DNER: variants seen among roughly 807,000 people sequenced by gnomAD.
DNER encodes the protein delta and Notch-like epidermal growth factor-related receptor.
DNER carries 33 observed loss-of-function variants against 78.2 expected under a neutral mutation model. That is an observed-to-expected ratio of 0.42 (90% CI 0.32 to 0.56). DNER has a LOEUF of 0.56. Ranked by LOEUF, DNER falls within the 20% of genes least tolerant of loss-of-function variation. DNER has a pLI of 0.11. For missense variants in DNER, 918 were observed against 975.3 expected (o/e 0.94, Z 0.78); for synonymous variants, 417 against 384.8 (o/e 1.08, Z -0.98).
At chr2:229,634,243 C>A (rs549980949) in intron 1 of DNER, among the ~76,000 whole-genome samples, 2 of 152,092 alleles carry the variant, frequency 1.3e-5, no homozygotes, top group African/African-American at 4.8e-5. Flanking sequence ...GAGTTATGGA[C>A]TTTTTCCTTC....
chr2:229,630,479 A>AAAT (rs200043673), intron 1 of DNER, among the ~76,000 whole-genome samples: 21,429 of 138,874 alleles, frequency 0.15, 1,764 homozygotes, highest in Admixed American at 0.22. Context: ...CTCCATCTCA[A>AAAT]AATAATAATA....
At position 229,418,190 on chromosome 2, in the gene DNER, G is replaced by A. The variant is rs778089255; in HGVS notation, c.1527C>T (p.Cys509=). Residue 509 remains cysteine, a synonymous_variant, in exon 9 of 13, where the codon TGC becomes TGT. Transcript: ENST00000341772. ...GLYCEEEYNE[C]LSAPCLNAAT... ...CTGCATTCAGGCATGGAGCGGAGAG[G>A]CACTCATTATATTCCTCCTCACAGT... 6.2e-7 allele frequency: 1 copy of A among 1,614,102 alleles called. No individual in the cohort carries two copies. Among genetic ancestry groups the A allele is most frequent in the South Asian group, 1.1e-5 (1 of 91,084 alleles).
chr2:229,703,772 G>A (rs993423634), intron 1 of DNER, among the ~76,000 whole-genome samples: 1 of 152,096 alleles, frequency 6.6e-6, no homozygotes, highest in Non-Finnish European at 1.5e-5. Context: ...AGCTACTCAG[G>A]AGGCTGAGGT....
chr2:229,663,904 T>A (rs1460919265), intron 1 of DNER, among the ~76,000 whole-genome samples: 1 of 152,158 alleles, frequency 6.6e-6, no homozygotes, highest in Non-Finnish European at 1.5e-5. Flanking sequence ...CTCCACTCTC[T>A]GCAGCCTCCA....
At chr2:229,686,612 C>T (rs1396368142) in intron 1 of DNER, among the ~76,000 whole-genome samples, 1 of 152,128 alleles carries the variant, frequency 6.6e-6, no homozygotes, top group Non-Finnish European at 1.5e-5. Flanking sequence ...TAGCAAGAAG[C>T]CCTACCCAGG....
intron 1 of DNER, among the ~76,000 whole-genome samples, chr2:229,674,855 C>A (rs948202850): frequency 6.6e-6 from 1 of 152,178 alleles, no homozygotes; most frequent in East Asian, 1.9e-4. Context: ...TGCCCTGAGA[C>A]GTAAGGTCAT....
intron 6 of DNER, among the ~76,000 whole-genome samples, chr2:229,479,378 A>G (rs1695105292): frequency 6.6e-6 from 1 of 152,182 alleles, no homozygotes; most frequent in Non-Finnish European, 1.5e-5. Flanking sequence ...AATAATGGGT[A>G]AGAAAACACA....
intron 10 of DNER, among the ~76,000 whole-genome samples, chr2:229,392,195 C>CT (rs779742847): frequency 4.0e-4 from 60 of 150,700 alleles, no homozygotes; most frequent in African/African-American, 5.6e-4. Flanking sequence ...TTATTTCTAA[C>CT]TTTTTTTTAT....
chr2:229,696,903 G>A (rs186404929), intron 1 of DNER, among the ~76,000 whole-genome samples: 177 of 152,278 alleles, frequency 1.2e-3, no homozygotes, highest in Non-Finnish European at 2.2e-3. Flanking sequence ...CTCAGGTTGT[G>A]TAAGAAGATA....
Position 229,372,565 on chromosome 2 carries a change from G to C in DNER, c.1856-5446C>G, listed in dbSNP as rs188206406. Reference sequence around the variant, plus strand: ...GGAGAAGGGATCTCCTTGAAGGATAGGGCAGTGTGGCCTTGGGTCTTTAGT... The same window carrying C: ...GGAGAAGGGATCTCCTTGAAGGATACGGCAGTGTGGCCTTGGGTCTTTAGT... On this transcript the variant is annotated intron_variant, in intron 11 of 12. Coordinates refer to ENST00000341772, the MANE Select transcript of DNER (RefSeq NM_139072.4). Among the ~76,000 whole-genome samples the C allele has an allele frequency of 1.2e-3, 183 of 152,334 alleles. 1 individual carries two copies. Among genetic ancestry groups the C allele is most frequent in the Non-Finnish European group, 2.3e-3 (156 of 68,032 alleles).
intron 4 of DNER, among the ~76,000 whole-genome samples, chr2:229,556,110 C>A (rs1013660942): frequency 6.6e-6 from 1 of 152,092 alleles, no homozygotes; most frequent in African/African-American, 2.4e-5. Context: ...TTATACTTAC[C>A]CAGCAATAAT....
intron 1 of DNER, among the ~76,000 whole-genome samples, chr2:229,695,989 C>CA (rs1317703619): frequency 1.4e-4 from 21 of 152,122 alleles, no homozygotes; most frequent in Non-Finnish European, 2.4e-4. Context: ...CAAACTGAGC[C>CA]AAAAAAACAC....
intron 1 of DNER, among the ~76,000 whole-genome samples, chr2:229,621,803 G>T (rs1046868117): frequency 6.6e-6 from 1 of 152,120 alleles, no homozygotes; most frequent in African/African-American, 2.4e-5. Context: ...GCATATAAAA[G>T]GGCCGGGCGC....
At chr2:229,375,285 T>C (rs539321210) in intron 11 of DNER, among the ~76,000 whole-genome samples, 2 of 152,310 alleles carry the variant, frequency 1.3e-5, no homozygotes, top group South Asian at 2.1e-4. Flanking sequence ...TACCAGTCAC[T>C]GAACAATATT....
chr2:229,500,223 G>A (rs1014977050), intron 6 of DNER, among the ~76,000 whole-genome samples: 3 of 152,160 alleles, frequency 2.0e-5, no homozygotes, highest in Non-Finnish European at 4.4e-5. Context: ...GTGAGCCACC[G>A]TGCCCGGCCC....
chr2:229,479,649 G>A (rs892937309), intron 6 of DNER, among the ~76,000 whole-genome samples: 2 of 149,580 alleles, frequency 1.3e-5, no homozygotes, highest in African/African-American at 4.9e-5. Context: ...GGAGGTAGAG[G>A]TTACAGCGAG....
chr2:229,579,084 G>A (rs1697350203), intron 4 of DNER, among the ~76,000 whole-genome samples: 1 of 152,060 alleles, frequency 6.6e-6, no homozygotes, highest in African/African-American at 2.4e-5. Context: ...TCCATTTCTA[G>A]CACTATTATG....
At chr2:229,607,331 T>A (rs894138937) in intron 1 of DNER, among the ~76,000 whole-genome samples, 1 of 152,180 alleles carries the variant, frequency 6.6e-6, no homozygotes, top group African/African-American at 2.4e-5. Context: ...CTCGTCGTGC[T>A]CCCTATGTTA....
In DNER at chr2:229,605,681, G is replaced by C. The variant is rs553686521; in HGVS notation, c.277-13793C>G. On this transcript the variant is annotated intron_variant, in intron 1 of 12. Coordinates refer to ENST00000341772, the MANE Select transcript of DNER (RefSeq NM_139072.4). The stretch of plus-strand genomic sequence containing the variant: ...GAATTGTTAGTGTATAAAGATTATA[G>C]ACACCATAACAGCCTGGGCAACATG... Among the ~76,000 whole-genome samples the C allele has an allele frequency of 4.0e-5, 6 of 151,600 alleles. No homozygotes were observed. In the South Asian group the frequency reaches 1.2e-3, roughly 32 times the overall value.
Sources: allele counts gnomAD v4.1 joint callset (sites outside exome capture counted in the v4.1 genomes callset), GRCh38; gene constraint gnomAD v4.1.1; transcripts MANE v1.5; gene names NCBI Gene and HGNC (gene_info 2026-07-23, HGNC 2026-07-21).